MTUS2: variants seen among roughly 807,000 people sequenced by gnomAD.
MTUS2 encodes microtubule-associated tumor suppressor candidate 2.
MTUS2 carries 40 observed loss-of-function variants against 114.1 expected under a neutral mutation model. The ratio of observed to expected loss-of-function variants is 0.35; its 90% CI spans 0.27 to 0.46. The LOEUF (loss-of-function observed/expected upper bound fraction) is 0.46. MTUS2 is among the 20% of genes least tolerant of loss of function. The pLI, the probability that MTUS2 is intolerant of heterozygous loss-of-function variation, is 1.00. For synonymous variants in MTUS2, 688 were observed against 672.0 expected (o/e 1.02, Z -0.37); for missense variants, 1,679 against 1,705.4 (o/e 0.98, Z 0.27).
At chr13:29,454,749 C>T (rs994130651) in intron 9 of MTUS2, among the ~76,000 whole-genome samples, 9 of 152,194 alleles carry the variant, frequency 5.9e-5, no homozygotes, top group Non-Finnish European at 1.0e-4. Context: ...GGCATCTTGC[C>T]GAGATACCCC....
intron 4 of MTUS2, among the ~76,000 whole-genome samples, chr13:29,037,257 C>T (rs1397019275): frequency 2.0e-5 from 3 of 152,156 alleles, no homozygotes; most frequent in Non-Finnish European, 4.4e-5. Flanking sequence ...TTTTATTTCT[C>T]CTTCGCTTAT....
At chr13:28,903,717 T>G (rs1879796127) in intron 2 of MTUS2, among the ~76,000 whole-genome samples, 1 of 151,918 alleles carries the variant, frequency 6.6e-6, no homozygotes. Context: ...AGTGCCGCAA[T>G]AAACATGTGT....
At chr13:29,453,299 G>A (rs980919676) in intron 9 of MTUS2, among the ~76,000 whole-genome samples, 4 of 152,228 alleles carry the variant, frequency 2.6e-5, no homozygotes, top group Non-Finnish European at 4.4e-5. Flanking sequence ...ACTCAGTTGA[G>A]TTTCTCGTGA....
At chr13:28,853,022 A>G (rs1876395276) in intron 2 of MTUS2, among the ~76,000 whole-genome samples, 1 of 124,856 alleles carries the variant, frequency 8.0e-6, no homozygotes, top group Non-Finnish European at 1.8e-5. Context: ...CAAGATTCCT[A>G]TGGATGGATG....
At chr13:29,019,662 G>A (rs1886214252) in intron 2 of MTUS2, among the ~76,000 whole-genome samples, 2 of 152,220 alleles carry the variant, frequency 1.3e-5, no homozygotes, top group Non-Finnish European at 1.5e-5. Flanking sequence ...TAATGATGTG[G>A]AACTAGAGGG....
rs1227709696 is a variant in MTUS2, at chr13:29,034,109, C to T, written c.2430C>T (p.Tyr810=). 3.1e-6 allele frequency: 5 copies of T among 1,613,926 alleles called. No homozygotes were observed. In the Admixed American group the frequency reaches 5.0e-5, roughly 16 times the overall value. Residue 810 remains tyrosine, a synonymous_variant, in exon 4 of 16, where the codon TAC becomes TAT. Coordinates refer to ENST00000612955, the MANE Select transcript of MTUS2 (RefSeq NM_001033602.4). ...CCATAACAACAGCCACCAGTCTCTA[C>T]AGTTCCGATCCTTCAGGTAACCGAT... ...PGPITTATSL[Y]SSDPSADLKK...
chr13:28,997,114 C>G (rs1262389041), intron 2 of MTUS2, among the ~76,000 whole-genome samples: 2 of 152,202 alleles, frequency 1.3e-5, no homozygotes, highest in Non-Finnish European at 2.9e-5. Flanking sequence ...TCATTAGTTT[C>G]AAAGAACATC....
At chr13:29,022,450 A>C (rs1223581203) in intron 2 of MTUS2, among the ~76,000 whole-genome samples, 1 of 152,226 alleles carries the variant, frequency 6.6e-6, no homozygotes, top group Non-Finnish European at 1.5e-5. Flanking sequence ...TCAGGCTCCC[A>C]AAGCGTTGGG....
intron 5 of MTUS2, among the ~76,000 whole-genome samples, chr13:29,130,103 C>A: frequency 6.6e-6 from 1 of 151,886 alleles, no homozygotes; most frequent in African/African-American, 2.4e-5. Flanking sequence ...GGAGTGAGTC[C>A]AAGAAGAGAG....
intron 1 of MTUS2, among the ~76,000 whole-genome samples, chr13:28,821,059 T>C (rs564790687): frequency 6.6e-6 from 1 of 152,064 alleles, no homozygotes; most frequent in Non-Finnish European, 1.5e-5. Flanking sequence ...GGCACACAAG[T>C]GATGTTACTA....
chr13:28,921,101 T>C (rs1881018579), intron 2 of MTUS2, among the ~76,000 whole-genome samples: 1 of 152,240 alleles, frequency 6.6e-6, no homozygotes, highest in African/African-American at 2.4e-5. Context: ...ACATTTCCCC[T>C]TGTTTTTCTC....
intron 2 of MTUS2, among the ~76,000 whole-genome samples, chr13:28,989,282 C>T (rs983833078): frequency 6.6e-6 from 1 of 152,188 alleles, no homozygotes; most frequent in African/African-American, 2.4e-5. Flanking sequence ...GATGAATTCT[C>T]ATCTTACCCA....
At chr13:29,376,878 A>G (rs1332499107) in intron 8 of MTUS2, among the ~76,000 whole-genome samples, 1 of 152,242 alleles carries the variant, frequency 6.6e-6, no homozygotes, top group East Asian at 1.9e-4. Flanking sequence ...GTTGTCAACA[A>G]GAAACTGGCT....
At chr13:29,246,172 G>A (rs1177341971) in intron 5 of MTUS2, among the ~76,000 whole-genome samples, 2 of 152,188 alleles carry the variant, frequency 1.3e-5, no homozygotes, top group Admixed American at 6.5e-5. Flanking sequence ...AAATAGCAAA[G>A]GTGGTATGGG....
intron 2 of MTUS2, among the ~76,000 whole-genome samples, chr13:28,938,874 A>G (rs1044054176): frequency 4.6e-5 from 7 of 152,176 alleles, no homozygotes; most frequent in African/African-American, 1.7e-4. Flanking sequence ...AGAATCCATA[A>G]AAGTGAACAT....
chr13:29,360,452 T>A (rs914458819), intron 8 of MTUS2, among the ~76,000 whole-genome samples: 1 of 152,182 alleles, frequency 6.6e-6, no homozygotes, highest in Non-Finnish European at 1.5e-5. Flanking sequence ...TTGTTGTTAT[T>A]ATTTTTGTTT....
At chr13:29,226,353 A>G (rs1245399786) in intron 5 of MTUS2, among the ~76,000 whole-genome samples, 2 of 152,220 alleles carry the variant, frequency 1.3e-5, no homozygotes, top group Non-Finnish European at 2.9e-5. Context: ...CATTTATACT[A>G]TCAAGAGAAG....
intron 7 of MTUS2, among the ~76,000 whole-genome samples, chr13:29,346,967 G>T (rs1186588728): frequency 1.3e-5 from 2 of 151,590 alleles, no homozygotes; most frequent in East Asian, 2.0e-4. Flanking sequence ...GTGTTTGGGG[G>T]CAGTCGTTCC....
intron 2 of MTUS2, among the ~76,000 whole-genome samples, chr13:28,962,062 T>C (rs1017415405): frequency 6.6e-6 from 1 of 151,286 alleles, no homozygotes; most frequent in African/African-American, 2.4e-5. Context: ...TTTATACATA[T>C]AAAGAGATTT....
Sources: allele counts gnomAD v4.1 joint callset (sites outside exome capture counted in the v4.1 genomes callset), GRCh38; gene constraint gnomAD v4.1.1; transcripts MANE v1.5; gene names NCBI Gene and HGNC (gene_info 2026-07-23, HGNC 2026-07-21).